Variants in RIOX2 observed in about 807,000 individuals in gnomAD.
RIOX2 encodes the protein 60S ribosomal protein L27a histidine hydroxylase.
RIOX2 carries 43 observed loss-of-function variants against 51.2 expected under a neutral mutation model. The observed-to-expected ratio is 0.84, with a 90% CI of 0.66 to 1.08. The LOEUF is 1.08. RIOX2 is among the 50% of genes least tolerant of loss of function. The probability of loss-of-function intolerance (pLI) is 0.00; values close to 1 mark genes in which losing one functional copy is unlikely to be tolerated. For missense variants in RIOX2, 566 were observed against 561.7 expected, an observed-to-expected ratio of 1.01 and a Z score of -0.08; for synonymous variants, 226 against 218.5, an observed-to-expected ratio of 1.03 and a Z score of -0.30.
intron 7 of RIOX2, among the ~76,000 whole-genome samples, chr3:97,948,060 T>A (rs1298556033): frequency 6.6e-6 from 1 of 152,168 alleles, no homozygotes; most frequent in East Asian, 1.9e-4. Context: ...TGAGGGATCA[T>A]CACTTTATTG....
chr3:97,943,177 A>G lies in RIOX2; in HGVS notation c.*2007T>C, dbSNP rs1416323995. 4 of 1,043,148 alleles carry G rather than the reference A, an allele frequency of 3.8e-6. No homozygotes were observed. The highest frequency in any genetic ancestry group is 5.8e-6 in the Non-Finnish European group (4 of 684,382). 64.6% of individuals were successfully genotyped at this position (1,043,148 alleles called of 1,614,324 possible). A position where few individuals can be genotyped will look rare whatever the true frequency, so the allele number is the denominator to read the frequency against. ...AGCTTGTGAAAATTGTGAAATTGCT[A>G]AGCACCTGCCTGAACAAATAATCTT... On this transcript the variant is annotated 3_prime_UTR_variant, in exon 10 of 10. Transcript: ENST00000394198.
In RIOX2 at chr3:97,947,422, A is replaced by G; in HGVS notation, c.1088T>C (p.Val363Ala). The change falls in exon 8 of 10, where the codon GTA becomes GCA. Residue 363 changes from valine (V) to alanine (A), a missense_variant. Physicochemically the swap from Val to Ala is moderately conservative, Grantham distance 64. Coordinates refer to ENST00000394198, the MANE Select transcript of RIOX2 (RefSeq NM_153182.4). ...GTGGTCTTTAAACTGCAGTCTCACT[A>G]CACTGTCCAGCCTCGGTAACTTTCC... ...PGGKLPRLDSVVRLQFKDHIV... is the reference protein window; with the variant it reads ...PGGKLPRLDSAVRLQFKDHIV... 6.2e-7 allele frequency: 1 copy of G among 1,613,534 alleles called. No individual in the cohort carries two copies. Among genetic ancestry groups the G allele is most frequent in the Non-Finnish European group, 8.5e-7 (1 of 1,179,586 alleles).
intron 4 of RIOX2, among the ~76,000 whole-genome samples, chr3:97,954,766 C>A (rs930257494): frequency 3.3e-5 from 5 of 152,150 alleles, no homozygotes; most frequent in Admixed American, 3.3e-4. Flanking sequence ...ACTAGACTCA[C>A]CTGAGACTAC....
chr3:97,945,462 A>C, intron 9 of RIOX2, 120 bp from the exon 10 acceptor site: 1 of 852,282 alleles, frequency 1.2e-6, no homozygotes, highest in Non-Finnish European at 1.8e-6. Context: ...TGAGTATTTT[A>C]GACACACTAC....
intron 2 of RIOX2, among the ~76,000 whole-genome samples, chr3:97,963,620 A>G (rs995161242): frequency 5.9e-5 from 9 of 152,246 alleles, no homozygotes; most frequent in Non-Finnish European, 1.5e-5. Context: ...TGGAACCACT[A>G]GAAAACCAGG....
chr3:97,945,562 T>G (rs1173480652), intron 9 of RIOX2: 2 of 609,804 alleles, frequency 3.3e-6, no homozygotes, highest in Non-Finnish European at 5.7e-6. Flanking sequence ...ATGTTTTACA[T>G]TATACCATTC....
In RIOX2 at chr3:97,944,538, T is replaced by C. The variant is rs2040306262; in HGVS notation, c.*646A>G. ...AGAATGTAAAATAACAATGACTATT[T>C]TAAACTCGAAGACCCACTATTTTGA... On this transcript the variant is annotated 3_prime_UTR_variant, in exon 10 of 10. Transcript: ENST00000394198. 6.6e-6 allele frequency: 1 copy of C among 152,370 alleles called. No individual in the cohort carries two copies. The highest frequency in any genetic ancestry group is 1.5e-5 in the Non-Finnish European group (1 of 67,902). The allele number at this position is 152,370 out of a possible 1,614,324, so 9.4% of individuals were successfully genotyped here.
At chr3:97,952,017 A>G (rs1269250706) in intron 5 of RIOX2, 4 of 467,936 alleles carry the variant, frequency 8.5e-6, no homozygotes, top group Non-Finnish European at 1.6e-5. Context: ...AGATATTGGG[A>G]CTTCCCACAA....
In RIOX2 at chr3:97,949,724, G is replaced by T; in HGVS notation, c.1060+120C>A. The T allele has an allele frequency of 6.9e-6, 6 of 863,320 alleles. No individual in the cohort carries two copies. The South Asian group carries it at 1.0e-4, about 15-fold the overall frequency. 53.5% of individuals were successfully genotyped at this position (863,320 alleles called of 1,614,324 possible). On this transcript the variant is annotated intron_variant, in intron 7 of 9. Coordinates refer to ENST00000394198, the MANE Select transcript of RIOX2 (RefSeq NM_153182.4). Reference sequence around the variant, plus strand: ...CCCATATTCACTAAGGATGGATGTGGTCCACATTAACACGAAAGCACTTCA... The same window carrying T: ...CCCATATTCACTAAGGATGGATGTGTTCCACATTAACACGAAAGCACTTCA...
At position 97,961,707 on chromosome 3, in the gene RIOX2, T is replaced by A; in HGVS notation, c.434A>T (p.Asp145Val). 6.3e-7 allele frequency: 1 copy of A among 1,584,584 alleles called. No individual in the cohort carries two copies. The highest frequency in any genetic ancestry group is 8.5e-7 in the Non-Finnish European group (1 of 1,172,092). The change falls in exon 3 of 10, where the codon GAT becomes GTT. Residue 145 changes from aspartate to valine, a missense_variant and splice_region_variant. Transcript: ENST00000394198. The part of the protein sequence containing the change: ...IQFHQPQRFK[D>V]ELWRIQEKLE... ...CTTCTCCTGGATCCTCCAAAGCTCA[T>A]CCTTTACAAAAAAGGAAAAAAGAAA...
At chr3:97,971,935 T>A (rs1182403257) in intron 1 of RIOX2, 1 of 152,298 alleles carries the variant, frequency 6.6e-6, no homozygotes, top group Non-Finnish European at 1.5e-5. Context: ...ATTTCACAGC[T>A]GTAGAGCGTG....
At chr3:97,951,109 C>T (rs943433074) in intron 5 of RIOX2, 1 of 469,598 alleles carries the variant, frequency 2.1e-6, no homozygotes, top group African/African-American at 2.0e-5. Context: ...CACTCACTTG[C>T]AAAGTTAAAA....
intron 1 of RIOX2, among the ~76,000 whole-genome samples, chr3:97,971,225 T>C (rs1706118715): frequency 6.6e-6 from 1 of 152,218 alleles, no homozygotes; most frequent in Non-Finnish European, 1.5e-5. Context: ...TGGGCAGTTT[T>C]ACAGAATGTA....
At position 97,946,628 on chromosome 3, in the gene RIOX2, A is replaced by G. The variant is rs538825463; in HGVS notation, c.1149+733T>C. On this transcript the variant is annotated intron_variant, in intron 8 of 9. Coordinates refer to ENST00000394198, the MANE Select transcript of RIOX2 (RefSeq NM_153182.4). ...TATATCTATTCATGTATATTCATAT[A>G]TATATTCCAACTCTGGCCCTGACGG... Among the ~76,000 whole-genome samples, 549 of 143,466 alleles carry G rather than the reference A, an allele frequency of 3.8e-3. 6 individuals are homozygous for G. The highest frequency in any genetic ancestry group is 0.014 in the African/African-American group (531 of 38,336). The allele number at this position is 143,466 out of a possible 152,430, so 94.1% of individuals were successfully genotyped here. A position where few individuals can be genotyped will look rare whatever the true frequency, so the allele number is the denominator to read the frequency against.
chr3:97,960,674 A>C (rs1347257406), intron 3 of RIOX2, among the ~76,000 whole-genome samples: 1 of 152,200 alleles, frequency 6.6e-6, no homozygotes, highest in Non-Finnish European at 1.5e-5. Context: ...ATTTTTAAAA[A>C]CGGAATCGTG....
chr3:97,942,382 A>T lies in RIOX2; in HGVS notation c.*2802T>A, dbSNP rs751947738. 1.2e-6 allele frequency: 2 copies of T among 1,611,876 alleles called. No individual in the cohort carries two copies. Among genetic ancestry groups the T allele is most frequent in the South Asian group, 2.2e-5 (2 of 90,934 alleles). On this transcript the variant is annotated 3_prime_UTR_variant, in exon 10 of 10. Transcript: ENST00000394198. Reference sequence around the variant, plus strand: ...ATGGGCAATTCAGGCAGAAGTGGAGACTGAATAAAAATGGAACTATCAGCT... The same window carrying T: ...ATGGGCAATTCAGGCAGAAGTGGAGTCTGAATAAAAATGGAACTATCAGCT...
chr3:97,964,076 A>G (rs967185918), intron 2 of RIOX2, among the ~76,000 whole-genome samples: 1 of 152,118 alleles, frequency 6.6e-6, no homozygotes. Context: ...CCTTTACCAC[A>G]GGATTCGATA....
chr3:97,956,714 C>T (rs544825813), intron 4 of RIOX2, among the ~76,000 whole-genome samples: 2 of 152,074 alleles, frequency 1.3e-5, no homozygotes, highest in Non-Finnish European at 2.9e-5. Flanking sequence ...AGGCTGGTCT[C>T]GAACTCCTGA....
intron 4 of RIOX2, among the ~76,000 whole-genome samples, chr3:97,956,293 C>A (rs1055136109): frequency 6.6e-6 from 1 of 152,204 alleles, no homozygotes; most frequent in East Asian, 1.9e-4. Context: ...CCCCACCCTC[C>A]TGGCTGGAAA....
Sources: allele counts gnomAD v4.1 joint callset (sites outside exome capture counted in the v4.1 genomes callset), GRCh38; gene constraint gnomAD v4.1.1; transcripts MANE v1.5; gene names NCBI Gene and HGNC (gene_info 2026-07-23, HGNC 2026-07-21).